F8: variants seen among roughly 807,000 people sequenced by gnomAD.
The protein encoded by F8 is coagulation factor VIII, also known as antihemophilic factor.
A neutral mutation model predicts 140.6 loss-of-function variants in F8; 12 were observed. The ratio of observed to expected loss-of-function variants is 0.09; its 90% CI spans 0.05 to 0.14. F8 has a LOEUF of 0.14. F8 is among the 10% of genes least tolerant of loss of function. The pLI, the probability that F8 is intolerant of heterozygous loss-of-function variation, is 1.00. For missense variants in F8, 1,354 were observed against 1,720.7 expected (o/e 0.79, Z 3.77); for synonymous variants, 585 against 614.6 (o/e 0.95, Z 0.71).
chrX:154,872,427 T>C (rs985786043), intron 22 of F8, among the ~76,000 whole-genome samples: 1 of 110,479 alleles, frequency 9.1e-6, no homozygotes, highest in Non-Finnish European at 1.9e-5. Flanking sequence ...GAAACCATCA[T>C]TCTCAAAAAC....
intron 10 of F8, among the ~76,000 whole-genome samples, chrX:154,959,204 C>A (rs1169223787): frequency 1.8e-5 from 2 of 109,437 alleles, no homozygotes; most frequent in Non-Finnish European, 3.8e-5. Context: ...GTTAACACCC[C>A]ATTTCTACAA....
rs182903155 is a variant in F8 at position 154,998,932 on chromosome X, C to G, written c.265+547G>C. The stretch of plus-strand genomic sequence containing the variant: ...AGTCTTCTAAGTGGTTCTCCTGAAG[C>G]CTCCTTCATTATACCTTGACATGAG... On this transcript the variant is annotated intron_variant, in intron 2 of 25. Coordinates refer to ENST00000360256, the MANE Select transcript of F8 (RefSeq NM_000132.4). Among the ~76,000 whole-genome samples, 6 of 111,717 alleles carry G rather than the reference C, an allele frequency of 5.4e-5. No homozygotes were observed. The East Asian group carries it at 1.7e-3, about 32-fold the overall frequency.
At chrX:155,004,951 C>T (rs182098278) in intron 1 of F8, among the ~76,000 whole-genome samples, 10 of 111,125 alleles carry the variant, frequency 9.0e-5, no homozygotes, top group Admixed American at 8.6e-4. Context: ...GGGTGTGTCC[C>T]GAAGTAAAAT....
At chrX:154,847,786 C>T (rs1005817913) in intron 25 of F8, among the ~76,000 whole-genome samples, 17 of 112,969 alleles carry the variant, frequency 1.5e-4, no homozygotes, top group African/African-American at 4.5e-4. Flanking sequence ...TCTCTCAACT[C>T]GTCAAAGTCA....
intron 9 of F8, among the ~76,000 whole-genome samples, chrX:154,965,429 C>T (rs2073418310): frequency 1.8e-5 from 2 of 111,450 alleles, no homozygotes; most frequent in South Asian, 7.6e-4. Flanking sequence ...CTGTTACTTA[C>T]ACCATACTCA....
intron 1 of F8, among the ~76,000 whole-genome samples, chrX:155,021,988 A>G (rs1258954492): frequency 1.8e-5 from 2 of 112,085 alleles, no homozygotes; most frequent in African/African-American, 3.2e-5. Flanking sequence ...AAAAGATATT[A>G]TAAAAACACA....
intron 10 of F8, 38 bp downstream of exon 10, chrX:154,961,037 A>T: frequency 1.1e-6 from 1 of 894,508 alleles, no homozygotes; most frequent in Non-Finnish European, 1.6e-6. Context: ...ATCTGTATCT[A>T]CAGGTAAAAA....
chrX:154,947,920 TG>T lies in F8; in HGVS notation c.1904-14del. The T allele has an allele frequency of 1.7e-6, 2 of 1,176,098 alleles. No individual in the cohort carries two copies. The highest frequency in any genetic ancestry group is 2.3e-6 in the Non-Finnish European group (2 of 863,445). On this transcript the variant is annotated splice_polypyrimidine_tract_variant and intron_variant, in intron 12 of 25. Transcript: ENST00000360256. ...TAGCCATTGATGCCTGCAAAAACAA[TG>T]GGGAAAAGAGATTTAGACACATCAC...
At chrX:154,994,559 T>C (rs1360966035) in intron 3 of F8, among the ~76,000 whole-genome samples, 1 of 112,196 alleles carries the variant, frequency 8.9e-6, no homozygotes, top group African/African-American at 3.2e-5. Context: ...GAAATTTGGC[T>C]TGTAGTCCTG....
intron 10 of F8, among the ~76,000 whole-genome samples, chrX:154,959,919 T>C (rs2073387565): frequency 8.9e-6 from 1 of 112,135 alleles, no homozygotes. Flanking sequence ...AGAAAATATA[T>C]AGACAAAGCA....
chrX:154,859,597 C>T (rs1255770555), intron 25 of F8, among the ~76,000 whole-genome samples: 2 of 111,370 alleles, frequency 1.8e-5, no homozygotes, highest in East Asian at 2.8e-4. Context: ...CCACCGCGCC[C>T]GGCCTTCACT....
At chrX:154,878,448 A>C (rs1014941703) in intron 22 of F8, among the ~76,000 whole-genome samples, 15 of 108,838 alleles carry the variant, frequency 1.4e-4, no homozygotes, top group African/African-American at 5.0e-4. Context: ...AAAAAAAAAA[A>C]AAACCACTAA....
intron 14 of F8, among the ~76,000 whole-genome samples, chrX:154,913,125 G>A (rs2073076753): frequency 3.6e-5 from 4 of 111,628 alleles, no homozygotes; most frequent in Non-Finnish European, 7.5e-5. Context: ...ATGAATAGAT[G>A]TTTTCAGAAA....
chrX:154,984,553 C>T, intron 6 of F8, 134 bp downstream of exon 6: 1 of 557,563 alleles, frequency 1.8e-6, no homozygotes, highest in Non-Finnish European at 3.2e-6. Context: ...CATTAAGATC[C>T]CCAGAGGCCA....
chrX:154,944,503 T>C (rs1557280134), intron 13 of F8, among the ~76,000 whole-genome samples: 2 of 111,066 alleles, frequency 1.8e-5, no homozygotes, highest in East Asian at 2.8e-4. Flanking sequence ...TGGCGATCAT[T>C]AAAAAGTCAG....
intron 24 of F8, among the ~76,000 whole-genome samples, chrX:154,861,028 C>T (rs2072686886): frequency 9.1e-6 from 1 of 110,263 alleles, no homozygotes; most frequent in African/African-American, 3.3e-5. Context: ...TCTTTTTCTT[C>T]CTTCCTTCTT....
At chrX:154,872,635 C>T (rs1434664913) in intron 22 of F8, among the ~76,000 whole-genome samples, 1 of 110,716 alleles carries the variant, frequency 9.0e-6, no homozygotes, top group Non-Finnish European at 1.9e-5. Flanking sequence ...CACCAGGGCA[C>T]GTGTATACCT....
In F8 at chrX:154,904,828, A is replaced by C; in HGVS notation, c.5569T>G (p.Phe1857Val). 2 of 1,211,288 alleles carry C rather than the reference A, an allele frequency of 1.7e-6. No individual in the cohort carries two copies. The highest frequency in any genetic ancestry group is 2.2e-6 in the Non-Finnish European group (2 of 895,017). ...CTGCTTACCAGGTCAACATCAGAGA[A>C]ATAAGCCCAGGCTTTGCAGTCAAAC... ...DEFDCKAWAY[F>V]SDVDLEKDVH... The change falls in exon 16 of 26, where the codon TTC becomes GTC. Residue 1857 changes from phenylalanine to valine, a missense_variant. This residue lies in a region of F8 where 316 missense variants were observed against 485.4 expected (regional missense o/e 0.65). Coordinates refer to ENST00000360256, the MANE Select transcript of F8 (RefSeq NM_000132.4).
intron 2 of F8, among the ~76,000 whole-genome samples, chrX:154,998,870 T>A (rs1456071304): frequency 5.4e-5 from 6 of 111,327 alleles, no homozygotes; most frequent in Non-Finnish European, 1.1e-4. Context: ...AACCAGGCAG[T>A]GGTCAGTGTC....
Sources: gnomAD v4.1 joint callset for allele counts (sites outside exome capture counted in the v4.1 genomes callset) on GRCh38, gnomAD v4.1.1 for gene constraint, gnomAD v4.1.1 regional missense constraint, MANE v1.5 for transcripts, NCBI Gene and HGNC (gene_info 2026-07-23, HGNC 2026-07-21) for gene names.